The following E2F5 variants were observed in gnomAD, a reference collection of about 807,000 sequenced individuals.
The protein encoded by E2F5 is transcription factor E2F5.
E2F5 carries 23 observed loss-of-function variants against 39.1 expected under a neutral mutation model. That is an observed-to-expected ratio of 0.59 (90% CI 0.42 to 0.83). E2F5 has a LOEUF of 0.83. Among genes scored for constraint, E2F5 ranks in the 40% least tolerant of loss-of-function variants. The pLI, the probability that E2F5 is intolerant of heterozygous loss-of-function variation, is 0.00. For synonymous variants in E2F5, 145 were observed against 157.8 expected (o/e 0.92, Z 0.61); for missense variants, 365 against 406.7 (o/e 0.90, Z 0.88).
intron 1 of E2F5, among the ~76,000 whole-genome samples, chr8:85,186,786 GTGTATATATATGATA>G (rs1237226438): frequency 6.8e-6 from 1 of 146,338 alleles, no homozygotes; most frequent in Non-Finnish European, 1.5e-5. Context: ...TATATATAAG[GTGTATATATATGATA>G]TGTATATATA....
At chr8:85,179,742 C>T (rs1287345005) in intron 1 of E2F5, among the ~76,000 whole-genome samples, 1 of 150,614 alleles carries the variant, frequency 6.6e-6, no homozygotes, top group Admixed American at 6.6e-5. Flanking sequence ...TCACTGCAAG[C>T]TCCGCCTCCC....
intron 1 of E2F5, among the ~76,000 whole-genome samples, chr8:85,201,386 A>G (rs1328440744): frequency 6.6e-6 from 1 of 152,208 alleles, no homozygotes; most frequent in African/African-American, 2.4e-5. Context: ...TCCACTCTGA[A>G]AACTTCTTTG....
At chr8:85,201,859 A>C (rs1043461634) in intron 1 of E2F5, 13 of 391,638 alleles carry the variant, frequency 3.3e-5, no homozygotes, top group Non-Finnish European at 4.5e-5. Context: ...GGATTAGTCC[A>C]TAAGGTGACA....
chr8:85,190,649 G>A (rs1812442122), intron 1 of E2F5, among the ~76,000 whole-genome samples: 1 of 151,466 alleles, frequency 6.6e-6, no homozygotes, highest in African/African-American at 2.4e-5. Flanking sequence ...GACTAAAGAT[G>A]CCCACCACCA....
rs1243752141 is a variant in E2F5, at chr8:85,202,269, C to T, written c.344+13C>T. The T allele has an allele frequency of 7.7e-6, 12 of 1,549,856 alleles. No individual in the cohort carries two copies. In the Middle Eastern group the frequency reaches 9.0e-4, roughly 116 times the overall value. On this transcript the variant is annotated intron_variant, in intron 2 of 7. Coordinates refer to ENST00000416274, the MANE Select transcript of E2F5 (RefSeq NM_001951.4). ...GTATCCAGTGGAAGTAAGTTACAAACCAGCACCCTCTTCTGAAACCTTTTT... is the reference window on the plus strand; with the variant it reads ...GTATCCAGTGGAAGTAAGTTACAAATCAGCACCCTCTTCTGAAACCTTTTT...
At chr8:85,200,301 T>G (rs1002085997) in intron 1 of E2F5, 2 of 956,118 alleles carry the variant, frequency 2.1e-6, no homozygotes, top group African/African-American at 3.5e-5. Flanking sequence ...TGGAGATTCT[T>G]TTACATATGA....
In E2F5 at chr8:85,213,996, ACTTT is replaced by A. The variant is rs1813022917; in HGVS notation, c.*139_*142del. 1 of 620,150 alleles carries A rather than the reference ACTTT, an allele frequency of 1.6e-6. No homozygotes were observed. Among genetic ancestry groups the A allele is most frequent in the South Asian group, 2.0e-5 (1 of 50,758 alleles). 38.4% of individuals were successfully genotyped at this position (620,150 alleles called of 1,614,324 possible). On this transcript the variant is annotated 3_prime_UTR_variant, in exon 8 of 8. Coordinates refer to ENST00000416274, the MANE Select transcript of E2F5 (RefSeq NM_001951.4). ...TGATTCTGAAGTGTTCTTCCCTAAT[ACTTT>A]CTTTACTTCACAAAACTTCAACCAT...
At chr8:85,201,186 T>G (rs1041547748) in intron 1 of E2F5, among the ~76,000 whole-genome samples, 1 of 152,166 alleles carries the variant, frequency 6.6e-6, no homozygotes, top group Non-Finnish European at 1.5e-5. Flanking sequence ...AAGAAAGTAG[T>G]GATGCTCTCT....
At chr8:85,181,262 A>G (rs1462175861) in intron 1 of E2F5, among the ~76,000 whole-genome samples, 1 of 152,156 alleles carries the variant, frequency 6.6e-6, no homozygotes, top group Non-Finnish European at 1.5e-5. Context: ...CCTAGACCAC[A>G]TAGATGCTAT....
intron 1 of E2F5, among the ~76,000 whole-genome samples, chr8:85,190,712 C>T (rs1812443844): frequency 6.6e-6 from 1 of 151,878 alleles, no homozygotes. Flanking sequence ...CCGTATTGGT[C>T]AGGCTGGTCT....
chr8:85,185,951 T>C (rs1040443768), intron 1 of E2F5, among the ~76,000 whole-genome samples: 4 of 152,192 alleles, frequency 2.6e-5, no homozygotes, highest in African/African-American at 9.7e-5. Context: ...GACAGTGTGG[T>C]GATTCCTCAA....
intron 1 of E2F5, among the ~76,000 whole-genome samples, chr8:85,180,360 C>T (rs1438171370): frequency 6.6e-6 from 1 of 151,696 alleles, no homozygotes; most frequent in Non-Finnish European, 1.5e-5. Flanking sequence ...AAGATGGACT[C>T]ACACTGACAA....
chr8:85,183,827 C>T (rs1395028627), intron 1 of E2F5, among the ~76,000 whole-genome samples: 1 of 152,136 alleles, frequency 6.6e-6, no homozygotes, highest in Non-Finnish European at 1.5e-5. Context: ...AAGGCCTTAC[C>T]TCCATACATC....
At chr8:85,181,747 G>A (rs1297534381) in intron 1 of E2F5, among the ~76,000 whole-genome samples, 1 of 151,170 alleles carries the variant, frequency 6.6e-6, no homozygotes, top group Non-Finnish European at 1.5e-5. Context: ...ATCACCTGAG[G>A]TCAGGAGTTC....
At chr8:85,182,364 T>C (rs1311380291) in intron 1 of E2F5, among the ~76,000 whole-genome samples, 1 of 152,220 alleles carries the variant, frequency 6.6e-6, no homozygotes. Context: ...TAGGCCAAGA[T>C]AGGTTAGATA....
Position 85,209,220 on chromosome 8 carries a change from G to A in E2F5, c.694G>A (p.Glu232Lys), listed in dbSNP as rs747579309. 3.1e-6 allele frequency: 5 copies of A among 1,613,932 alleles called. No individual in the cohort carries two copies. Among genetic ancestry groups the A allele is most frequent in the Non-Finnish European group, 2.5e-6 (3 of 1,179,882 alleles). The change falls in exon 6 of 8, where the codon GAG (glutamate) becomes AAG (lysine). Residue 232 changes from glutamate (E) to lysine (K), a missense_variant. Coordinates refer to ENST00000416274, the MANE Select transcript of E2F5 (RefSeq NM_001951.4). Reference protein sequence around the residue: ...GPIHVLLINKESSSSKPVVFP... With the variant: ...GPIHVLLINKKSSSSKPVVFP... ...TATCCATGTGCTGCTTATAAATAAA[G>A]AGTCGAGTTCATCTAAGCCCGTGGT... is the stretch of plus-strand genomic sequence containing the variant.
At chr8:85,213,642 C>A in intron 7 of E2F5, 111 bp from the exon 8 acceptor site, 4 of 423,998 alleles carry the variant, frequency 9.4e-6, no homozygotes, top group South Asian at 3.2e-5. Context: ...TTTCAAAATA[C>A]ACATTACACA....
rs191852789 is a variant in E2F5, at chr8:85,205,446, G to T, written c.507-731G>T. Among the ~76,000 whole-genome samples, 203 of 152,194 alleles carry T rather than the reference G, an allele frequency of 1.3e-3. 1 individual carries two copies. Among genetic ancestry groups the T allele is most frequent in the African/African-American group, 4.3e-3 (179 of 41,558 alleles). On this transcript the variant is annotated intron_variant, in intron 3 of 7. Transcript: ENST00000416274. ...GATGGGTTTCACCATCTCTAGACTA[G>T]ACTTCTTTTTTTATCTGTCCATGTG...
intron 1 of E2F5, among the ~76,000 whole-genome samples, chr8:85,182,052 T>C (rs1042741545): frequency 2.0e-5 from 3 of 152,146 alleles, no homozygotes; most frequent in Non-Finnish European, 4.4e-5. Flanking sequence ...AGAAAGACAT[T>C]GAAAGTGATG....
Sources: gnomAD v4.1 joint callset for allele counts (sites outside exome capture counted in the v4.1 genomes callset) on GRCh38, gnomAD v4.1.1 for gene constraint, MANE v1.5 for transcripts, NCBI Gene and HGNC (gene_info 2026-07-23, HGNC 2026-07-21) for gene names.